Variants in ITGB1 observed in about 807,000 individuals in gnomAD.
ITGB1 encodes integrin beta-1.
Under a neutral mutation model 86.5 loss-of-function variants are expected in ITGB1, and 24 were observed. The observed-to-expected ratio is 0.28, with a 90% confidence interval of 0.20 to 0.39. ITGB1 has a LOEUF of 0.39. ITGB1 is among the 10% of genes least tolerant of loss of function. The probability of loss-of-function intolerance (pLI) is 1.00; values close to 1 mark genes in which losing one functional copy is unlikely to be tolerated. For missense variants in ITGB1, 556 were observed against 946.9 expected, an observed-to-expected ratio of 0.59 and a Z score of 5.42; for synonymous variants, 323 against 316.8, an observed-to-expected ratio of 1.02 and a Z score of -0.21.
chr10:32,927,381 G>C (rs1317477148), intron 5 of ITGB1, among the ~76,000 whole-genome samples: 1 of 152,164 alleles, frequency 6.6e-6, no homozygotes, highest in Non-Finnish European at 1.5e-5. Flanking sequence ...GGTTTGGAAA[G>C]CAGATCATCA....
At chr10:32,922,809 T>G (rs1433418839) in intron 7 of ITGB1, 74 bp from the exon 8 acceptor site, 1 of 797,042 alleles carries the variant, frequency 1.3e-6, no homozygotes, top group African/African-American at 1.8e-5. Context: ...AATCTAGTTA[T>G]ACATGCAAGA....
intron 15 of ITGB1, among the ~76,000 whole-genome samples, chr10:32,903,960 T>C (rs2094889425): frequency 1.3e-5 from 2 of 150,604 alleles, no homozygotes; most frequent in South Asian, 2.1e-4. Context: ...ACAATATATT[T>C]GCTAAATCTA....
rs1418151629 is a variant in ITGB1 at position 32,910,256 on chromosome 10, T to C, written c.2131A>G (p.Asn711Asp). 3 of 1,606,826 alleles carry C rather than the reference T, an allele frequency of 1.9e-6. No homozygotes were observed. Among genetic ancestry groups the C allele is most frequent in the Middle Eastern group, 1.7e-4 (1 of 6,042 alleles). Reference protein sequence around the residue: ...FYFTYSVNGNNEVMVHVVENP... With the variant: ...FYFTYSVNGNDEVMVHVVENP... The stretch of plus-strand genomic sequence containing the variant: ...TCCACAACATGAACCATGACCTCGT[T>C]GTTCCCATTCACTGAATACGTAAAA... The change falls in exon 14 of 16, where the codon AAC becomes GAC. Residue 711 changes from asparagine to aspartate, a missense_variant. Coordinates refer to ENST00000302278, the MANE Select transcript of ITGB1 (RefSeq NM_002211.4).
At chr10:32,932,407 C>G (rs2094986382) in intron 3 of ITGB1, 108 bp downstream of exon 3, 1 of 702,534 alleles carries the variant, frequency 1.4e-6, no homozygotes, top group African/African-American at 1.8e-5. Flanking sequence ...TTAGGTTATT[C>G]ATTTTATGAT....
At chr10:32,914,766 A>T (rs1337679839) in intron 11 of ITGB1, among the ~76,000 whole-genome samples, 1 of 152,136 alleles carries the variant, frequency 6.6e-6, no homozygotes, top group African/African-American at 2.4e-5. Flanking sequence ...CGAGACAGAA[A>T]GTTAACAAGG....
At chr10:32,936,966 G>A (rs532333991) in intron 1 of ITGB1, among the ~76,000 whole-genome samples, 18 of 152,278 alleles carry the variant, frequency 1.2e-4, no homozygotes, top group South Asian at 2.1e-4. Context: ...AGATGGCTGC[G>A]AGAAACCAAC....
intron 1 of ITGB1, chr10:32,944,728 T>G: frequency 1.4e-6 from 1 of 699,136 alleles, no homozygotes; most frequent in African/African-American, 1.8e-5. Context: ...TTAGCCCGAA[T>G]GTGCCCTTTG....
At chr10:32,949,672 G>A (rs1220274699) in intron 1 of ITGB1, among the ~76,000 whole-genome samples, 1 of 152,046 alleles carries the variant, frequency 6.6e-6, no homozygotes, top group Non-Finnish European at 1.5e-5. Context: ...CATTTTAGTG[G>A]TTAACCCAAA....
At chr10:32,916,891 C>T (rs1056753433) in intron 11 of ITGB1, among the ~76,000 whole-genome samples, 3 of 152,176 alleles carry the variant, frequency 2.0e-5, no homozygotes, top group African/African-American at 7.2e-5. Flanking sequence ...CAAGACAATC[C>T]TAAGCCAAAA....
chr10:32,939,015 G>A (rs1393711712), intron 1 of ITGB1, among the ~76,000 whole-genome samples: 1 of 152,188 alleles, frequency 6.6e-6, no homozygotes, highest in Non-Finnish European at 1.5e-5. Flanking sequence ...GCGCATGGAA[G>A]GGGAAGGAAC....
intron 1 of ITGB1, among the ~76,000 whole-genome samples, chr10:32,938,017 C>T (rs1272656766): frequency 6.6e-6 from 1 of 152,198 alleles, no homozygotes; most frequent in Non-Finnish European, 1.5e-5. Context: ...AAGTCATTCA[C>T]TTCTGCAATC....
At chr10:32,938,027 C>A (rs898307713) in intron 1 of ITGB1, among the ~76,000 whole-genome samples, 2 of 152,204 alleles carry the variant, frequency 1.3e-5, no homozygotes, top group South Asian at 2.1e-4. Flanking sequence ...CTTCTGCAAT[C>A]GTGCTCAGCC....
At chr10:32,920,993 A>G (rs1447938955) in intron 9 of ITGB1, among the ~76,000 whole-genome samples, 1 of 151,188 alleles carries the variant, frequency 6.6e-6, no homozygotes, top group Non-Finnish European at 1.5e-5. Flanking sequence ...AAAAACAAAA[A>G]CAAAAACAAA....
At chr10:32,907,145 TA>T in intron 15 of ITGB1, 1 of 1,262,644 alleles carries the variant, frequency 7.9e-7, no homozygotes. Context: ...ATTTTCTTGC[TA>T]AAGTAAAAGA....
chr10:32,954,791 C>T (rs1354118552), intron 1 of ITGB1, among the ~76,000 whole-genome samples: 1 of 152,136 alleles, frequency 6.6e-6, no homozygotes, highest in Non-Finnish European at 1.5e-5. Context: ...TTTTCTCATG[C>T]ACACACACGT....
intron 1 of ITGB1, among the ~76,000 whole-genome samples, chr10:32,954,000 C>G (rs1379051042): frequency 2.0e-5 from 3 of 152,276 alleles, no homozygotes; most frequent in Non-Finnish European, 4.4e-5. Context: ...TCCACCCCCC[C>G]TTGACTATTA....
intron 5 of ITGB1, among the ~76,000 whole-genome samples, chr10:32,926,877 C>T (rs978928243): frequency 6.6e-6 from 1 of 152,048 alleles, no homozygotes; most frequent in African/African-American, 2.4e-5. Context: ...GCTCAATCTG[C>T]CTGGATCTTG....
Position 32,935,577 on chromosome 10 carries a change from CT to C in ITGB1, c.1-20del. 6.5e-7 allele frequency: 1 copy of C among 1,543,774 alleles called. No individual in the cohort carries two copies. Among genetic ancestry groups the C allele is most frequent in the Non-Finnish European group, 9.0e-7 (1 of 1,116,776 alleles). On this transcript the variant is annotated intron_variant, in intron 1 of 15. Coordinates refer to ENST00000302278, the MANE Select transcript of ITGB1 (RefSeq NM_002211.4). Reference sequence around the variant, plus strand: ...AATTCATCTGAAATGTAAAATGTGCCTTATATTAGTTATAAAGAAATAAAAT... The same window carrying C: ...AATTCATCTGAAATGTAAAATGTGCCTATATTAGTTATAAAGAAATAAAAT...
chr10:32,925,257 T>G (rs2094961189), intron 6 of ITGB1, among the ~76,000 whole-genome samples: 1 of 152,200 alleles, frequency 6.6e-6, no homozygotes, highest in South Asian at 2.1e-4. Context: ...AAATACAAAT[T>G]ATTGAACCAA....
Sources: gnomAD v4.1 joint callset for allele counts (sites outside exome capture counted in the v4.1 genomes callset) on GRCh38, gnomAD v4.1.1 for gene constraint, MANE v1.5 for transcripts, NCBI Gene and HGNC (gene_info 2026-07-23, HGNC 2026-07-21) for gene names.